The following FRYL variants were observed in gnomAD, a reference collection of about 807,000 sequenced individuals.
The protein encoded by FRYL is FRY like transcription coactivator.
In FRYL, 150 loss-of-function variants were observed where a neutral mutation model predicts 351.2. That is an observed-to-expected ratio of 0.43 (90% CI 0.37 to 0.49). The LOEUF (loss-of-function observed/expected upper bound fraction) is 0.49, where lower values mean the gene tolerates loss of function less well. Among genes scored for constraint, FRYL ranks in the 20% least tolerant of loss-of-function variants. FRYL has a pLI of 0.00. For missense variants in FRYL, 3,036 were observed against 3,619.3 expected (o/e 0.84, Z 4.13); for synonymous variants, 1,153 against 1,257.1 (o/e 0.92, Z 1.75).
intron 1 of FRYL, among the ~76,000 whole-genome samples, chr4:48,770,515 G>T (rs896906287): frequency 6.6e-6 from 1 of 151,820 alleles, no homozygotes; most frequent in South Asian, 2.1e-4. Flanking sequence ...TCGGCTCACC[G>T]CAACCTCCGC....
chr4:48,707,475 T>C (rs1283287398), intron 2 of FRYL, among the ~76,000 whole-genome samples: 2 of 152,222 alleles, frequency 1.3e-5, no homozygotes, highest in Non-Finnish European at 2.9e-5. Flanking sequence ...CATGACTTGA[T>C]AATTACTGAA....
intron 47 of FRYL, 117 bp downstream of exon 47, chr4:48,539,854 G>A (rs1337541917): frequency 5.5e-5 from 39 of 705,284 alleles, no homozygotes; most frequent in Non-Finnish European, 8.7e-5. Context: ...AAATTTAAAT[G>A]CAAAATTCAT....
chr4:48,581,435 A>G lies in FRYL; in HGVS notation c.2157T>C (p.Leu719=). Residue 719 remains leucine (L), a synonymous_variant, in exon 21 of 64, where the codon CTT becomes CTC. Coordinates refer to ENST00000358350, the MANE Select transcript of FRYL (RefSeq NM_015030.2). The stretch of plus-strand genomic sequence containing the variant: ...TAAATCTTACCTTAGGTATTTCCAG[A>G]AGTGCAAATAAAGCCCGTATTTCTC... The part of the protein sequence containing the change: ...VLREIRALFA[L]LEIPKGDDEL... The G allele has an allele frequency of 6.2e-7, 1 of 1,606,114 alleles. No homozygotes were observed. Among genetic ancestry groups the G allele is most frequent in the East Asian group, 2.2e-5 (1 of 44,816 alleles).
At position 48,594,072 on chromosome 4, in the gene FRYL, G is replaced by A. The variant is rs1262922827; in HGVS notation, c.1249-56C>T. 4.3e-6 allele frequency: 4 copies of A among 927,158 alleles called. No individual in the cohort carries two copies. In the African/African-American group the frequency reaches 7.1e-5, roughly 16 times the overall value. The allele number at this position is 927,158 out of a possible 1,614,324, so 57.4% of individuals were successfully genotyped here. A position where few individuals can be genotyped will look rare whatever the true frequency, so the allele number is the denominator to read the frequency against. ...TACTATGTGTTAGGTATCATGCTAA[G>A]AATTATAAATATAATATACAATGAC... On this transcript the variant is annotated intron_variant, in intron 15 of 63. Transcript: ENST00000358350.
At chr4:48,518,149 C>T (rs1189810198) in intron 55 of FRYL, among the ~76,000 whole-genome samples, 1 of 152,194 alleles carries the variant, frequency 6.6e-6, no homozygotes, top group Non-Finnish European at 1.5e-5. Flanking sequence ...CTTTCATTCT[C>T]ATCCACTGGT....
At chr4:48,757,159 G>C (rs1773880080) in intron 1 of FRYL, among the ~76,000 whole-genome samples, 1 of 152,074 alleles carries the variant, frequency 6.6e-6, no homozygotes, top group South Asian at 2.1e-4. Flanking sequence ...AAAGAAACAG[G>C]CTGCTGCATT....
intron 19 of FRYL, 47 bp from the exon 20 acceptor site, chr4:48,582,781 A>C (rs1578217323): frequency 1.6e-6 from 2 of 1,248,582 alleles, no homozygotes; most frequent in South Asian, 1.2e-5. Flanking sequence ...CCTTTCAATT[A>C]GTTTTATCAT....
chr4:48,588,799 G>A (rs937030098), intron 18 of FRYL, among the ~76,000 whole-genome samples: 5 of 151,902 alleles, frequency 3.3e-5, no homozygotes, highest in African/African-American at 1.2e-4. Flanking sequence ...TTTTCTCCTA[G>A]TCACCGAGAG....
intron 8 of FRYL, 57 bp from the exon 9 acceptor site, chr4:48,609,124 T>G (rs1747493704): frequency 9.2e-7 from 1 of 1,087,786 alleles, no homozygotes; most frequent in South Asian, 1.3e-5. Context: ...CAAACTCTCT[T>G]TCCTAATACA....
At chr4:48,537,316 T>C (rs1250694240) in intron 47 of FRYL, among the ~76,000 whole-genome samples, 3 of 152,170 alleles carry the variant, frequency 2.0e-5, no homozygotes, top group African/African-American at 7.2e-5. Flanking sequence ...AAGTGACAGA[T>C]TTAATTTTGG....
intron 2 of FRYL, among the ~76,000 whole-genome samples, chr4:48,706,897 AGAAG>A (rs1182612864): frequency 1.3e-5 from 2 of 152,196 alleles, no homozygotes; most frequent in Admixed American, 1.3e-4. Context: ...AAGCACCCCC[AGAAG>A]GCTGTTCCTT....
intron 3 of FRYL, among the ~76,000 whole-genome samples, chr4:48,645,124 T>TTATAAATATATATATATA (rs1553961622): frequency 9.5e-6 from 1 of 105,446 alleles, no homozygotes; most frequent in African/African-American, 3.1e-5. Flanking sequence ...AGCTTTCATT[T>TTATAAATATATATATATA]TATATATATA....
Position 48,564,110 on chromosome 4 carries a change from A to C in FRYL, c.3442-8T>G. 1 of 1,611,832 alleles carries C rather than the reference A, an allele frequency of 6.2e-7. No individual in the cohort carries two copies. Among genetic ancestry groups the C allele is most frequent in the Non-Finnish European group, 8.5e-7 (1 of 1,179,388 alleles). ...ACAGCCCAGCTGGTGAACCTAGGTA[A>C]AGGTTGTGAAATTGCCCGAGAGAGA... On this transcript the variant is annotated splice_region_variant and splice_polypyrimidine_tract_variant and intron_variant, in intron 30 of 63. Transcript: ENST00000358350.
chr4:48,713,250 A>G (rs1490238892), intron 1 of FRYL, among the ~76,000 whole-genome samples: 1 of 152,188 alleles, frequency 6.6e-6, no homozygotes, highest in Non-Finnish European at 1.5e-5. Flanking sequence ...ATTTGTTAAT[A>G]AAGTTAATTT....
chr4:48,619,590 C>T (rs1158832459), intron 6 of FRYL, among the ~76,000 whole-genome samples: 3 of 152,064 alleles, frequency 2.0e-5, no homozygotes, highest in African/African-American at 4.8e-5. Context: ...CATGGCCCAC[C>T]GCAGCTTCAA....
chr4:48,593,513 T>C (rs1290731535), intron 16 of FRYL, among the ~76,000 whole-genome samples: 3 of 152,110 alleles, frequency 2.0e-5, no homozygotes, highest in Admixed American at 2.0e-4. Flanking sequence ...CCCGGCTAAT[T>C]TTGTATTTTT....
At chr4:48,591,482 T>C (rs1743223263) in intron 16 of FRYL, among the ~76,000 whole-genome samples, 1 of 152,188 alleles carries the variant, frequency 6.6e-6, no homozygotes, top group African/African-American at 2.4e-5. Flanking sequence ...AGTTACCATA[T>C]TGCTCAAAAC....
chr4:48,713,621 C>G (rs1374094029), intron 1 of FRYL, among the ~76,000 whole-genome samples: 1 of 152,112 alleles, frequency 6.6e-6, no homozygotes, highest in Non-Finnish European at 1.5e-5. Flanking sequence ...ATTCATAAAG[C>G]AAGTCCTGAG....
chr4:48,716,940 C>T (rs1209463614), intron 1 of FRYL, among the ~76,000 whole-genome samples: 2 of 150,746 alleles, frequency 1.3e-5, no homozygotes, highest in Non-Finnish European at 3.0e-5. Context: ...TACTATGCAG[C>T]CATAAAAAAG....
Sources: gnomAD v4.1 joint callset for allele counts (sites outside exome capture counted in the v4.1 genomes callset) on GRCh38, gnomAD v4.1.1 for gene constraint, MANE v1.5 for transcripts, NCBI Gene and HGNC (gene_info 2026-07-23, HGNC 2026-07-21) for gene names.